SH3RF2: variants seen among roughly 807,000 people sequenced by gnomAD.
The protein encoded by SH3RF2 is SH3 domain containing ring finger 2.
In SH3RF2, 43 loss-of-function variants were observed where a neutral mutation model predicts 59.0. The observed-to-expected ratio is 0.73, with a 90% CI of 0.57 to 0.94. SH3RF2 has a LOEUF of 0.94. Among genes scored for constraint, SH3RF2 ranks in the 40% least tolerant of loss-of-function variants. SH3RF2 has a pLI of 0.00. For missense variants in SH3RF2, 930 were observed against 940.1 expected, an observed-to-expected ratio of 0.99 and a Z score of 0.14; for synonymous variants, 391 against 391.5, an observed-to-expected ratio of 1.00 and a Z score of 0.01.
chr5:146,072,198 C>G (rs953850558), intron 9 of SH3RF2, among the ~76,000 whole-genome samples: 2 of 152,162 alleles, frequency 1.3e-5, no homozygotes, highest in African/African-American at 4.8e-5. Flanking sequence ...CTGAGCCTTT[C>G]TTTACTCATC....
chr5:145,953,302 G>A (rs985945813), intron 2 of SH3RF2, among the ~76,000 whole-genome samples: 1 of 152,180 alleles, frequency 6.6e-6, no homozygotes, highest in African/African-American at 2.4e-5. Context: ...CCTGAAGGAT[G>A]AGAGGAAGGC....
intron 5 of SH3RF2, among the ~76,000 whole-genome samples, chr5:146,024,637 A>G (rs1188469105): frequency 2.6e-5 from 4 of 152,180 alleles, no homozygotes; most frequent in African/African-American, 7.2e-5. Context: ...ATTCAAATTC[A>G]TAAGTATTTA....
intron 5 of SH3RF2, among the ~76,000 whole-genome samples, chr5:146,046,327 T>A (rs1403481062): frequency 6.6e-6 from 1 of 152,154 alleles, no homozygotes; most frequent in Non-Finnish European, 1.5e-5. Flanking sequence ...CAAACATACA[T>A]GTTTGCTCAA....
At chr5:146,002,524 GGAAGGAAGGAA>G (rs1561734962) in intron 3 of SH3RF2, among the ~76,000 whole-genome samples, 8 of 146,454 alleles carry the variant, frequency 5.5e-5, no homozygotes, top group African/African-American at 2.1e-4. Flanking sequence ...AAGGAAGGAA[GGAAGGAAGGAA>G]GGATAACCTA....
chr5:145,943,186 C>T (rs188352217), intron 2 of SH3RF2, among the ~76,000 whole-genome samples: 156 of 150,892 alleles, frequency 1.0e-3, no homozygotes, highest in Non-Finnish European at 2.0e-3. Flanking sequence ...TCAGCTGGCA[C>T]TAGAGTTCTT....
chr5:145,939,841 T>A (rs1757746394), intron 2 of SH3RF2, among the ~76,000 whole-genome samples: 1 of 152,336 alleles, frequency 6.6e-6, no homozygotes, highest in African/African-American at 2.4e-5. Flanking sequence ...TGCAGAAGTC[T>A]GACCTGCCTT....
At chr5:145,979,067 A>C (rs1759410339) in intron 2 of SH3RF2, among the ~76,000 whole-genome samples, 1 of 152,208 alleles carries the variant, frequency 6.6e-6, no homozygotes, top group African/African-American at 2.4e-5. Context: ...TTGGAAAAGA[A>C]CTGATTAAAG....
At chr5:146,057,398 A>C (rs1461880168) in intron 8 of SH3RF2, among the ~76,000 whole-genome samples, 1 of 152,220 alleles carries the variant, frequency 6.6e-6, no homozygotes, top group East Asian at 1.9e-4. Flanking sequence ...CCACCACAAC[A>C]GCCTTGGGAA....
chr5:146,026,735 C>T (rs564885958), intron 5 of SH3RF2, among the ~76,000 whole-genome samples: 2 of 152,240 alleles, frequency 1.3e-5, no homozygotes, highest in East Asian at 3.9e-4. Context: ...TTGGGGTCAG[C>T]TAGATCTAGG....
intron 9 of SH3RF2, among the ~76,000 whole-genome samples, chr5:146,073,142 C>G (rs1418361042): frequency 6.6e-6 from 1 of 152,248 alleles, no homozygotes; most frequent in Admixed American, 6.5e-5. Context: ...TCTTTGTTCT[C>G]TGACCTTTCA....
Position 146,060,110 on chromosome 5 carries a change from CATT to C in SH3RF2, c.1803_1805del (p.Ile601del). ...GGATCCACTCCGCGGCCAGCTCCCT[CATT>C]ATGGAAGACAAAGAAATCCCCATCA... On this transcript the variant is annotated inframe_deletion, in exon 9 of 10. Coordinates refer to ENST00000359120, the MANE Select transcript of SH3RF2 (RefSeq NM_152550.4). 3 of 1,614,166 alleles carry C rather than the reference CATT, an allele frequency of 1.9e-6. No individual in the cohort carries two copies. Among genetic ancestry groups the C allele is most frequent in the Non-Finnish European group, 2.5e-6 (3 of 1,180,008 alleles).
intron 2 of SH3RF2, among the ~76,000 whole-genome samples, chr5:145,981,571 G>A (rs994876652): frequency 7.2e-5 from 11 of 152,066 alleles, no homozygotes; most frequent in Non-Finnish European, 1.0e-4. Flanking sequence ...CATTTGCCTC[G>A]TAGTTTCCCA....
intron 2 of SH3RF2, 133 bp from the exon 3 acceptor site, chr5:145,999,924 AC>A (rs1760329288): frequency 2.2e-5 from 22 of 1,012,626 alleles, no homozygotes; most frequent in Non-Finnish European, 2.9e-5. Context: ...GTTGCCATAA[AC>A]CTTTGATTTG....
intron 2 of SH3RF2, among the ~76,000 whole-genome samples, chr5:145,958,606 T>C (rs1758507025): frequency 6.6e-6 from 1 of 152,154 alleles, no homozygotes; most frequent in South Asian, 2.1e-4. Context: ...ATAAAACACA[T>C]CTGGTCCGAT....
At chr5:145,965,858 GA>G (rs1230376668) in intron 2 of SH3RF2, among the ~76,000 whole-genome samples, 2 of 152,172 alleles carry the variant, frequency 1.3e-5, no homozygotes, top group East Asian at 3.8e-4. Context: ...AAAAAATCCT[GA>G]AAGCTCTGAC....
intron 8 of SH3RF2, among the ~76,000 whole-genome samples, chr5:146,057,912 A>G (rs980116428): frequency 6.7e-6 from 1 of 149,552 alleles, no homozygotes; most frequent in African/African-American, 2.5e-5. Context: ...ACTGTACTCC[A>G]GTCTGGGCTG....
intron 2 of SH3RF2, among the ~76,000 whole-genome samples, chr5:145,965,088 G>A (rs1758808315): frequency 6.6e-6 from 1 of 152,082 alleles, no homozygotes. Context: ...AGCTACTCGG[G>A]AGGCTGAGGC....
Position 146,031,244 on chromosome 5 carries a change from T to C in SH3RF2, c.1060-16528T>C, listed in dbSNP as rs557456184. Among the ~76,000 whole-genome samples, 28 of 152,328 alleles carry C rather than the reference T, an allele frequency of 1.8e-4. No individual in the cohort carries two copies. In the South Asian group the frequency reaches 4.1e-3, roughly 23 times the overall value. On this transcript the variant is annotated intron_variant, in intron 5 of 9. Coordinates refer to ENST00000359120, the MANE Select transcript of SH3RF2 (RefSeq NM_152550.4). ...TGGAATTTACCTAAGCGTACCTTAA[T>C]GCCCTCAACTCCTTAAAGACAGGGT...
chr5:146,075,778 T>TAA (rs56300547), intron 9 of SH3RF2, among the ~76,000 whole-genome samples: 55 of 76,954 alleles, frequency 7.1e-4, no homozygotes, highest in African/African-American at 1.1e-3. Flanking sequence ...AAATTCCATG[T>TAA]AAAAAAAAAA....
Sources: allele counts gnomAD v4.1 joint callset (sites outside exome capture counted in the v4.1 genomes callset), GRCh38; gene constraint gnomAD v4.1.1; transcripts MANE v1.5; gene names NCBI Gene and HGNC (gene_info 2026-07-23, HGNC 2026-07-21).